GDAP1: variants seen among roughly 807,000 people sequenced by gnomAD.
The protein encoded by GDAP1 is ganglioside-induced differentiation-associated protein 1.
A neutral mutation model predicts 40.1 loss-of-function variants in GDAP1; 34 were observed. The observed-to-expected ratio is 0.85, with a 90% CI of 0.64 to 1.13. The LOEUF (loss-of-function observed/expected upper bound fraction) is 1.13, where lower values mean the gene tolerates loss of function less well. Ranked by LOEUF, GDAP1 falls within the 50% of genes most tolerant of loss-of-function variation. The pLI is 0.00. For synonymous variants in GDAP1, 170 were observed against 157.4 expected, an observed-to-expected ratio of 1.08 and a Z score of -0.60; for missense variants, 374 against 433.7, an observed-to-expected ratio of 0.86 and a Z score of 1.22.
downstream of GDAP1, among the ~76,000 whole-genome samples, chr8:74,367,257 A>G (rs770796621): frequency 3.3e-5 from 5 of 152,160 alleles, no homozygotes; most frequent in Non-Finnish European, 5.9e-5. Flanking sequence ...TATTACTCAT[A>G]TTTATGTATA....
intron 2 of GDAP1, among the ~76,000 whole-genome samples, chr8:74,471,244 T>G (rs1409736042): frequency 2.0e-5 from 3 of 152,194 alleles, no homozygotes; most frequent in Non-Finnish European, 2.9e-5. Flanking sequence ...AGAAGCTCTT[T>G]AGTTTAATTA....
chr8:74,472,180 C>G (rs187057384), intron 2 of GDAP1, among the ~76,000 whole-genome samples: 213 of 152,224 alleles, frequency 1.4e-3, no homozygotes, highest in Non-Finnish European at 2.4e-3. Context: ...ATAAGTAAGA[C>G]TATGTTGTAT....
chr8:74,449,929 T>G (rs1186844106), intron 2 of GDAP1, among the ~76,000 whole-genome samples: 1 of 151,822 alleles, frequency 6.6e-6, no homozygotes, highest in African/African-American at 2.4e-5. Context: ...GTTTTCTGCT[T>G]TATTCTGTGA....
rs1198951440 is a variant in GDAP1 at position 74,377,787 on chromosome 8, A to T, written c.165+26466A>T. 5.3e-5 allele frequency among the ~76,000 whole-genome samples: 8 copies of T among 152,246 alleles called. No individual in the cohort carries two copies. In the East Asian group the frequency reaches 1.3e-3, roughly 26 times the overall value. On this transcript the variant is annotated intron_variant, in intron 2 of 2. Transcript: ENST00000523640. ...ACTCTTAGGTATTTATCCCAAAGAA[A>T]TCACAACCAATATCCACATGTTTGT...
intron 2 of GDAP1, among the ~76,000 whole-genome samples, chr8:74,411,524 AATATAT>A (rs57240234): frequency 7.0e-6 from 1 of 143,226 alleles, no homozygotes; most frequent in Non-Finnish European, 1.5e-5. Flanking sequence ...TTATTAAGCA[AATATAT>A]ATATATATAT....
At position 74,366,635 on chromosome 8, in the gene GDAP1, G is replaced by A. The variant is rs540109199; in HGVS notation, c.*2268G>A. On this transcript the variant is annotated 3_prime_UTR_variant, in exon 6 of 6. Coordinates refer to ENST00000220822, the MANE Select transcript of GDAP1 (RefSeq NM_018972.4). ...TTAGAAAAATGCCTGAGGTACTAAA[G>A]TTATGTTGGCTTTTTGTGTCTTAAC... 6.6e-6 allele frequency: 3 copies of A among 453,838 alleles called. No individual in the cohort carries two copies. The highest frequency in any genetic ancestry group is 4.0e-5 in the African/African-American group (2 of 50,104). The allele number at this position is 453,838 out of a possible 1,614,324, so 28.1% of individuals were successfully genotyped here. A position where few individuals can be genotyped will look rare whatever the true frequency, so the allele number is the denominator to read the frequency against.
Position 74,470,381 on chromosome 8 carries a change from CTCCTAA to C in GDAP1, c.166-18295_166-18290del. 1.3e-5 allele frequency among the ~76,000 whole-genome samples: 2 copies of C among 152,238 alleles called. 1 individual carries two copies. The highest frequency in any genetic ancestry group is 4.2e-4 in the South Asian group (2 of 4,818). ...ACTTTTCATTTAACATTAGGTATAT[CTCCTAA>C]TGCTCTCCCTCCCCTCTACCCCCAC... On this transcript the variant is annotated intron_variant, in intron 2 of 2. Coordinates refer to the GDAP1 transcript ENST00000523640.
chr8:74,371,768 T>A (rs982997636), downstream of GDAP1, among the ~76,000 whole-genome samples: 165 of 117,062 alleles, frequency 1.4e-3, no homozygotes, highest in African/African-American at 3.9e-3. Flanking sequence ...TTGTTAAAAA[T>A]TTTTTATTTT....
At chr8:74,367,994 G>A (rs1161821419), downstream of GDAP1, among the ~76,000 whole-genome samples, 1 of 152,168 alleles carries the variant, frequency 6.6e-6, no homozygotes, top group East Asian at 1.9e-4. Context: ...TTTGATTCAA[G>A]TAGGGTGGTG....
chr8:74,350,914 C>T (rs1808832502), intron 1 of GDAP1, among the ~76,000 whole-genome samples: 1 of 152,176 alleles, frequency 6.6e-6, no homozygotes, highest in African/African-American at 2.4e-5. Context: ...TCTGCGATCT[C>T]TTCTTTTGCT....
intron 2 of GDAP1, among the ~76,000 whole-genome samples, chr8:74,353,960 A>C (rs1005533247): frequency 2.3e-4 from 35 of 152,152 alleles, no homozygotes; most frequent in Non-Finnish European, 4.1e-4. Context: ...TAACACTTCT[A>C]AAAAACTGTC....
chr8:74,390,753 A>G (rs1810096306), intron 2 of GDAP1, among the ~76,000 whole-genome samples: 1 of 152,168 alleles, frequency 6.6e-6, no homozygotes, highest in African/African-American at 2.4e-5. Flanking sequence ...AGCAGGCAGG[A>G]ATGTTTAAGT....
intron 2 of GDAP1, among the ~76,000 whole-genome samples, chr8:74,439,494 C>T (rs986299580): frequency 7.2e-5 from 11 of 152,150 alleles, no homozygotes; most frequent in African/African-American, 2.4e-4. Context: ...ACTACAATAA[C>T]ATAATTACTA....
At chr8:74,411,765 C>G (rs1375305273) in intron 2 of GDAP1, among the ~76,000 whole-genome samples, 9 of 148,710 alleles carry the variant, frequency 6.1e-5, no homozygotes, top group African/African-American at 2.3e-4. Flanking sequence ...GCCTGTAGTC[C>G]TAGCTACTTG....
At chr8:74,395,462 A>G (rs1810180253) in intron 2 of GDAP1, among the ~76,000 whole-genome samples, 1 of 152,194 alleles carries the variant, frequency 6.6e-6, no homozygotes, top group African/African-American at 2.4e-5. Flanking sequence ...AATTGGATGA[A>G]GAGAAATAAT....
At chr8:74,459,226 C>A (rs1281784149) in intron 2 of GDAP1, among the ~76,000 whole-genome samples, 1 of 152,104 alleles carries the variant, frequency 6.6e-6, no homozygotes, top group African/African-American at 2.4e-5. Context: ...CTCAAACAAG[C>A]TCTACTTTTC....
intron 2 of GDAP1, among the ~76,000 whole-genome samples, chr8:74,394,756 G>A (rs1257044623): frequency 1.3e-5 from 2 of 152,230 alleles, no homozygotes; most frequent in Non-Finnish European, 1.5e-5. Context: ...GCTAAGCTGG[G>A]GATTAGGAAT....
chr8:74,378,076 T>A (rs1809887317), intron 2 of GDAP1, among the ~76,000 whole-genome samples: 1 of 152,224 alleles, frequency 6.6e-6, no homozygotes, highest in Non-Finnish European at 1.5e-5. Context: ...CCTGAACTTG[T>A]CCTATGTCTG....
At chr8:74,426,061 A>G (rs1178322614) in intron 2 of GDAP1, among the ~76,000 whole-genome samples, 1 of 152,212 alleles carries the variant, frequency 6.6e-6, no homozygotes, top group Non-Finnish European at 1.5e-5. Flanking sequence ...GCTAGCTTAG[A>G]TATACATGAA....
Sources: gnomAD v4.1 joint callset for allele counts (sites outside exome capture counted in the v4.1 genomes callset) on GRCh38, gnomAD v4.1.1 for gene constraint, MANE v1.5 for transcripts, NCBI Gene and HGNC (gene_info 2026-07-23, HGNC 2026-07-21) for gene names.